The following TENM2 variants were observed in gnomAD, a reference collection of about 807,000 sequenced individuals.
TENM2 encodes the protein teneurin transmembrane protein 2, also known as teneurin-2.
TENM2 carries 52 observed loss-of-function variants against 245.2 expected under a neutral mutation model. The ratio of observed to expected loss-of-function variants is 0.21; its 90% CI spans 0.17 to 0.27. The LOEUF is 0.27. TENM2 is among the 10% of genes least tolerant of loss of function. The pLI is 1.00. For synonymous variants in TENM2, 1,363 were observed against 1,438.9 expected (o/e 0.95, Z 1.19); for missense variants, 3,046 against 3,666.8 (o/e 0.83, Z 4.37).
intron 7 of TENM2, among the ~76,000 whole-genome samples, chr5:168,068,605 A>T (rs1562118427): frequency 6.6e-6 from 1 of 152,124 alleles, no homozygotes; most frequent in Non-Finnish European, 1.5e-5. Flanking sequence ...GACTAAACCC[A>T]TGAGAGTGGT....
intron 2 of TENM2, among the ~76,000 whole-genome samples, chr5:167,522,076 T>TA: frequency 6.6e-6 from 1 of 152,308 alleles, no homozygotes; most frequent in Admixed American, 6.5e-5. Context: ...CCCTTCTCTT[T>TA]AAAAAGTGAC....
At chr5:167,385,981 T>C (rs1263035937) in intron 2 of TENM2, among the ~76,000 whole-genome samples, 2 of 151,900 alleles carry the variant, frequency 1.3e-5, no homozygotes, top group East Asian at 3.9e-4. Flanking sequence ...TGTGCTGCTA[T>C]AAACACGCGT....
intron 2 of TENM2, among the ~76,000 whole-genome samples, chr5:167,490,499 A>G (rs948823003): frequency 1.3e-5 from 2 of 152,102 alleles, no homozygotes; most frequent in Non-Finnish European, 2.9e-5. Context: ...GCGCTTGTAT[A>G]TTGCATTCCA....
At chr5:167,952,711 G>T (rs777331927) in exon 4 of TENM2, 4 of 1,609,574 alleles carry the variant, frequency 2.5e-6, no homozygotes, top group Middle Eastern at 3.3e-4. Context: ...ACCAATCGGC[G>T]GAGTCAGATC....
the TENM2 span, among the ~76,000 whole-genome samples, chr5:167,012,781 C>G: frequency 2.6e-4 from 40 of 152,072 alleles, no homozygotes; most frequent in Non-Finnish European, 5.6e-4. Flanking sequence ...TTTTTTTCCA[C>G]AAAGGCTGTC....
At chr5:167,254,705 G>T in the TENM2 span, among the ~76,000 whole-genome samples, 1 of 152,238 alleles carries the variant, frequency 6.6e-6, no homozygotes, top group East Asian at 1.9e-4. Flanking sequence ...AATGATATCT[G>T]CCAGGAAGTA....
intron 2 of TENM2, among the ~76,000 whole-genome samples, chr5:167,699,024 T>G (rs1432074773): frequency 6.6e-6 from 1 of 152,094 alleles, no homozygotes; most frequent in Non-Finnish European, 1.5e-5. Context: ...CCTTTTAAAG[T>G]GTAAACCCCT....
chr5:167,082,714 G>A, the TENM2 span, among the ~76,000 whole-genome samples: 1 of 152,112 alleles, frequency 6.6e-6, no homozygotes, highest in Non-Finnish European at 1.5e-5. Context: ...TAGGAAAAAA[G>A]TAGTAGGTTC....
chr5:168,215,897 A>G (rs1478821921), intron 21 of TENM2, among the ~76,000 whole-genome samples: 2 of 152,372 alleles, frequency 1.3e-5, no homozygotes, highest in East Asian at 3.9e-4. Context: ...CGTGGTAGAC[A>G]GCAAATGTGT....
At chr5:167,662,989 T>C (rs938348846) in intron 2 of TENM2, among the ~76,000 whole-genome samples, 2 of 152,210 alleles carry the variant, frequency 1.3e-5, no homozygotes. Context: ...TTCTCTCATA[T>C]TTTAACCTCT....
At chr5:167,896,246 G>A (rs1331794750) in intron 3 of TENM2, among the ~76,000 whole-genome samples, 1 of 152,212 alleles carries the variant, frequency 6.6e-6, no homozygotes, top group Non-Finnish European at 1.5e-5. Flanking sequence ...GGAAATGCCA[G>A]CAGCAAGTGC....
At chr5:168,029,578 G>A (rs1418740355) in intron 5 of TENM2, among the ~76,000 whole-genome samples, 1 of 152,206 alleles carries the variant, frequency 6.6e-6, no homozygotes, top group African/African-American at 2.4e-5. Context: ...TGATAGTGGG[G>A]AAGGGGTGGC....
intron 2 of TENM2, among the ~76,000 whole-genome samples, chr5:167,619,679 C>T (rs1778029951): frequency 6.6e-6 from 1 of 152,102 alleles, no homozygotes; most frequent in African/African-American, 2.4e-5. Flanking sequence ...AGCACTGGCC[C>T]TCCTGCTAAT....
the TENM2 span, among the ~76,000 whole-genome samples, chr5:167,122,282 T>C: frequency 6.6e-6 from 1 of 152,182 alleles, no homozygotes; most frequent in Non-Finnish European, 1.5e-5. Context: ...TTCGTGTGCT[T>C]GAACAATACA....
In TENM2 at chr5:168,247,207, G is replaced by A. The variant is rs774479310; in HGVS notation, c.6268G>A (p.Asp2090Asn). 27 of 1,613,766 alleles carry A rather than the reference G, an allele frequency of 1.7e-5. No individual in the cohort carries two copies. Among genetic ancestry groups the A allele is most frequent in the Non-Finnish European group, 2.3e-5 (27 of 1,179,890 alleles). ...GGAAGGCATGGTCAATGCCAGGTTT[G>A]ACTACACCTATCATGACAACAGCTT... Residue 2090 changes from aspartate (D) to asparagine (N), a missense_variant, in exon 27 of 29, where the codon GAC (aspartate) becomes AAC (asparagine). Physicochemically the swap from Asp to Asn is conservative, Grantham distance 23 (BLOSUM62 1). This residue lies in a region of TENM2 where 2,704 missense variants were observed against 3,331.9 expected (regional missense o/e 0.81). Transcript: ENST00000518659. The surrounding 1 kb of genome is among the most constrained non-coding windows in gnomAD (Gnocchi z 7.8).
intron 6 of TENM2, among the ~76,000 whole-genome samples, chr5:168,051,787 A>T (rs1282448713): frequency 1.3e-5 from 2 of 152,152 alleles, no homozygotes; most frequent in Non-Finnish European, 2.9e-5. Flanking sequence ...CTCCCTCATA[A>T]GCTTGCTGTC....
intron 9 of TENM2, among the ~76,000 whole-genome samples, chr5:168,103,111 TATGAGCGAG>T (rs1389815109): frequency 6.9e-6 from 1 of 145,280 alleles, no homozygotes; most frequent in African/African-American, 2.5e-5. Context: ...AATTCCCACC[TATGAGCGAG>T]AACATGCGGT....
chr5:168,194,230 G>A (rs1761192390), intron 14 of TENM2, among the ~76,000 whole-genome samples: 1 of 152,192 alleles, frequency 6.6e-6, no homozygotes, highest in Admixed American at 6.5e-5. Flanking sequence ...GGGGCTTGGT[G>A]CAGAAATGGA....
chr5:168,179,757 G>A (rs1305288239), intron 13 of TENM2, among the ~76,000 whole-genome samples: 2 of 152,110 alleles, frequency 1.3e-5, no homozygotes, highest in Non-Finnish European at 2.9e-5. Flanking sequence ...ATTTAATCTC[G>A]AAGTCTCCCA....
Sources: allele counts gnomAD v4.1 joint callset (sites outside exome capture counted in the v4.1 genomes callset), GRCh38; gene constraint gnomAD v4.1.1; regional missense constraint gnomAD v4.1.1; non-coding constraint Gnocchi (gnomAD v3.1); transcripts MANE v1.5; gene names NCBI Gene and HGNC (gene_info 2026-07-23, HGNC 2026-07-21).